The following DNM2 variants were observed in gnomAD, a reference collection of about 807,000 sequenced individuals.
The protein encoded by DNM2 is dynamin-2.
In DNM2, 15 loss-of-function variants were observed where a neutral mutation model predicts 99.0. That is an observed-to-expected ratio of 0.15 (90% CI 0.10 to 0.23). The LOEUF is 0.23. DNM2 is among the 10% of genes least tolerant of loss of function. The pLI is 1.00. For missense variants in DNM2, 742 were observed against 1,189.4 expected (o/e 0.62, Z 5.53); for synonymous variants, 525 against 481.2 (o/e 1.09, Z -1.19).
intron 13 of DNM2, 22 bp from the exon 14 acceptor site, chr19:10,808,547 C>T (rs2072433216): frequency 1.2e-6 from 2 of 1,611,600 alleles, no homozygotes; most frequent in Non-Finnish European, 1.7e-6. Flanking sequence ...TTACCCACAA[C>T]CCTAACTTTG....
intron 14 of DNM2, chr19:10,810,731 G>C (rs1390398316): frequency 4.6e-5 from 7 of 152,480 alleles, no homozygotes; most frequent in South Asian, 2.1e-4. Flanking sequence ...CCGACAGCCT[G>C]TCTCCCTGTT....
intron 1 of DNM2, among the ~76,000 whole-genome samples, chr19:10,726,661 C>T (rs1233276122): frequency 6.6e-6 from 1 of 151,938 alleles, no homozygotes; most frequent in African/African-American, 2.4e-5. Context: ...GTCAGGAGTT[C>T]GAGACCAGCC....
chr19:10,785,669 A>G (rs936828226), intron 6 of DNM2, among the ~76,000 whole-genome samples: 3 of 151,756 alleles, frequency 2.0e-5, no homozygotes, highest in Admixed American at 6.6e-5. Context: ...TCAAACGCCT[A>G]TCCTCTAGTG....
At position 10,830,173 on chromosome 19, in the gene DNM2, C is replaced by T. The variant is rs1221582515; in HGVS notation, c.2338C>T (p.Arg780Trp). Residue 780 changes from arginine (R) to tryptophan (W), a missense_variant, in exon 20 of 21, where the codon CGG (arginine) becomes TGG (tryptophan). Coordinates refer to ENST00000389253, the MANE Select transcript of DNM2 (RefSeq NM_001005361.3). This position sits in a 1 kb window ranked among gnomAD's most constrained non-coding sequence, Gnocchi z 4.8. ...RPVSSIHPPG[R>W]PPAVRGPTPG... Reference sequence around the variant, plus strand: ...GGTGTCCAGCATACACCCCCCTGGCCGGCCCCCAGCAGTGAGGGGCCCCAC... The same window carrying T: ...GGTGTCCAGCATACACCCCCCTGGCTGGCCCCCAGCAGTGAGGGGCCCCAC... The T allele has an allele frequency of 5.0e-6, 8 of 1,613,610 alleles. No homozygotes were observed. Among genetic ancestry groups the T allele is most frequent in the Middle Eastern group, 1.6e-4 (1 of 6,080 alleles).
At chr19:10,777,352 T>C in intron 5 of DNM2, 136 bp downstream of exon 5, 1 of 828,264 alleles carries the variant, frequency 1.2e-6, no homozygotes, top group Non-Finnish European at 2.0e-6. Context: ...TTCTTTTCCC[T>C]TTGAGCTATG....
At chr19:10,815,565 C>T (rs938909551) in intron 15 of DNM2, among the ~76,000 whole-genome samples, 2 of 152,174 alleles carry the variant, frequency 1.3e-5, no homozygotes, top group African/African-American at 4.8e-5. Context: ...AGCATCAAGT[C>T]CTCCCAGCTC....
In DNM2 at chr19:10,795,679, C is replaced by A. The variant is rs2071906871; in HGVS notation, c.1196+240C>A. The A allele has an allele frequency of 1.7e-6, 1 of 595,158 alleles. No individual in the cohort carries two copies. Among genetic ancestry groups the A allele is most frequent in the Admixed American group, 2.9e-5 (1 of 34,360 alleles). 36.9% of individuals were successfully genotyped at this position (595,158 alleles called of 1,614,324 possible). A position where few individuals can be genotyped will look rare whatever the true frequency, so the allele number is the denominator to read the frequency against. On this transcript the variant is annotated intron_variant, in intron 9 of 20. Transcript: ENST00000389253. This position sits in a 1 kb window ranked among gnomAD's most constrained non-coding sequence, Gnocchi z 4.2. ...GTCTGCAGCTCCTGATCAAATAGGGCTTAGTTCCTGCCCAGTCGGTTGGTG... is the reference window on the plus strand; with the variant it reads ...GTCTGCAGCTCCTGATCAAATAGGGATTAGTTCCTGCCCAGTCGGTTGGTG...
At chr19:10,828,733 G>T (rs189209607) in intron 18 of DNM2, among the ~76,000 whole-genome samples, 1 of 152,116 alleles carries the variant, frequency 6.6e-6, no homozygotes, top group African/African-American at 2.4e-5. Flanking sequence ...TAACCAGCCT[G>T]GGCCACATGG....
chr19:10,830,208 C>T lies in DNM2; in HGVS notation c.2373C>T (p.Pro791=). ...CAGTGAGGGGCCCCACTCCAGGGCC[C>T]CCCCTGATTCCTGTTCCCGTGGGGG... The part of the protein sequence containing the change: ...PPAVRGPTPG[P]PLIPVPVGAA... Residue 791 remains proline, a synonymous_variant, in exon 20 of 21, where the codon CCC becomes CCT. Coordinates refer to ENST00000389253, the MANE Select transcript of DNM2 (RefSeq NM_001005361.3). This position sits in a 1 kb window ranked among gnomAD's most constrained non-coding sequence, Gnocchi z 4.8. 6.2e-7 allele frequency: 1 copy of T among 1,613,892 alleles called. No homozygotes were observed. Among genetic ancestry groups the T allele is most frequent in the East Asian group, 2.2e-5 (1 of 44,862 alleles).
At chr19:10,827,494 A>C (rs1354972470) in intron 18 of DNM2, among the ~76,000 whole-genome samples, 1 of 152,084 alleles carries the variant, frequency 6.6e-6, no homozygotes, top group Non-Finnish European at 1.5e-5. Context: ...ACTTGAGCCC[A>C]GGAGATCGAG....
At chr19:10,771,161 A>G (rs1473116008) in intron 2 of DNM2, among the ~76,000 whole-genome samples, 1 of 152,166 alleles carries the variant, frequency 6.6e-6, no homozygotes, top group Non-Finnish European at 1.5e-5. Flanking sequence ...CCCCTCCCCA[A>G]CATTTTACTC....
intron 1 of DNM2, among the ~76,000 whole-genome samples, chr19:10,748,139 G>A (rs2070060710): frequency 6.6e-6 from 1 of 152,134 alleles, no homozygotes; most frequent in Admixed American, 6.6e-5. Context: ...CAAGTGAAGC[G>A]GGAGCCCAAG....
At chr19:10,733,260 C>T (rs1216133493) in intron 1 of DNM2, among the ~76,000 whole-genome samples, 2 of 145,972 alleles carry the variant, frequency 1.4e-5, no homozygotes, top group Non-Finnish European at 3.0e-5. Flanking sequence ...GGCATGATGT[C>T]GGCTTACTGC....
Position 10,830,597 on chromosome 19 carries a change from G to A in DNM2, c.2543+219G>A. 1.6e-6 allele frequency: 1 copy of A among 639,496 alleles called. No individual in the cohort carries two copies. Among genetic ancestry groups the A allele is most frequent in the South Asian group, 2.0e-5 (1 of 50,032 alleles). The allele number at this position is 639,496 out of a possible 1,614,324, so 39.6% of individuals were successfully genotyped here. On this transcript the variant is annotated intron_variant, in intron 20 of 20. Transcript: ENST00000389253. This position sits in a 1 kb window ranked among gnomAD's most constrained non-coding sequence, Gnocchi z 4.8. ...AGCCCTGGTGACTCCGGGGCTCCCA[G>A]CTTGCCCTCTGCCTACTGGGGTGTG...
chr19:10,721,491 A>G (rs187656522), intron 1 of DNM2, among the ~76,000 whole-genome samples: 3 of 152,282 alleles, frequency 2.0e-5, no homozygotes, highest in Admixed American at 6.5e-5. Flanking sequence ...CTGAAAGCCA[A>G]AGTTGTAAAA....
chr19:10,721,313 C>T (rs1302360416), intron 1 of DNM2, among the ~76,000 whole-genome samples: 1 of 152,152 alleles, frequency 6.6e-6, no homozygotes, highest in Non-Finnish European at 1.5e-5. Flanking sequence ...CGCGTTACCA[C>T]ACCCGGCTAA....
intron 6 of DNM2, among the ~76,000 whole-genome samples, chr19:10,786,125 T>A (rs1289239222): frequency 6.6e-6 from 1 of 152,214 alleles, no homozygotes. Context: ...TGAATCTTCC[T>A]TGCTTTTCTC....
At position 10,830,744 on chromosome 19, in the gene DNM2, G is replaced by A. The variant is rs535064511; in HGVS notation, c.2544-234G>A. ...CAGGCTTTATTCTCCCCACTTCTCC[G>A]GTGGGGAAGCTGAGGCCCAGGGAGG... On this transcript the variant is annotated intron_variant, in intron 20 of 20. Coordinates refer to ENST00000389253, the MANE Select transcript of DNM2 (RefSeq NM_001005361.3). The surrounding 1 kb of genome is among the most constrained non-coding windows in gnomAD (Gnocchi z 4.8). Among the ~76,000 whole-genome samples, 6 of 152,264 alleles carry A rather than the reference G, an allele frequency of 3.9e-5. No individual in the cohort carries two copies. The highest frequency in any genetic ancestry group is 3.9e-4 in the East Asian group (2 of 5,178).
intron 11 of DNM2, among the ~76,000 whole-genome samples, chr19:10,802,018 G>A (rs546210837): frequency 4.6e-5 from 7 of 152,122 alleles, no homozygotes; most frequent in East Asian, 1.9e-4. Flanking sequence ...AGGGTCACAC[G>A]GCCAATTAGT....
Sources: allele counts gnomAD v4.1 joint callset (sites outside exome capture counted in the v4.1 genomes callset), GRCh38; gene constraint gnomAD v4.1.1; non-coding constraint Gnocchi (gnomAD v3.1); transcripts MANE v1.5; gene names NCBI Gene and HGNC (gene_info 2026-07-23, HGNC 2026-07-21).